TNKS2: variants seen among roughly 807,000 people sequenced by gnomAD.
TNKS2 encodes poly [ADP-ribose] polymerase tankyrase-2.
A neutral mutation model predicts 137.6 loss-of-function variants in TNKS2; 72 were observed. That is an observed-to-expected ratio of 0.52 (90% CI 0.43 to 0.64). The LOEUF (loss-of-function observed/expected upper bound fraction) is 0.64. Among genes scored for constraint, TNKS2 ranks in the 30% least tolerant of loss-of-function variants. The probability of loss-of-function intolerance (pLI) is 0.00; values close to 1 mark genes in which losing one functional copy is unlikely to be tolerated. For missense variants in TNKS2, 1,049 were observed against 1,410.2 expected (o/e 0.74, Z 4.10); for synonymous variants, 516 against 512.1 (o/e 1.01, Z -0.10).
At chr10:91,807,560 C>G in intron 1 of TNKS2, 3 of 883,018 alleles carry the variant, frequency 3.4e-6, no homozygotes, top group Non-Finnish European at 5.6e-6. Flanking sequence ...CTTAGCTTTA[C>G]TTCTCAGACT....
chr10:91,823,820 T>C (rs1055369079), intron 7 of TNKS2, among the ~76,000 whole-genome samples: 20 of 152,190 alleles, frequency 1.3e-4, no homozygotes, highest in African/African-American at 1.9e-4. Context: ...AGTGCCTCTT[T>C]GGTTCCTTTC....
intron 14 of TNKS2, among the ~76,000 whole-genome samples, chr10:91,841,066 T>A (rs1842196321): frequency 6.6e-6 from 1 of 152,182 alleles, no homozygotes; most frequent in Non-Finnish European, 1.5e-5. Context: ...CATATATGGA[T>A]GAATGTTATA....
chr10:91,814,440 GAA>G (rs1473973525), intron 2 of TNKS2, among the ~76,000 whole-genome samples: 1 of 152,046 alleles, frequency 6.6e-6, no homozygotes, highest in Non-Finnish European at 1.5e-5. Context: ...ATTGAAGAAA[GAA>G]AAATATTTTA....
rs369265938 is a variant in TNKS2, at chr10:91,828,404, T to C, written c.1102T>C (p.Leu368=). ...GCATCCTCAAACACATGAAACAGCA[T>C]TGGTAATGTTTCAGATTTAAGTTTT... ...FKHPQTHETA[L]HCAAASPYPK... is the part of the protein sequence containing the mutation. Residue 368 remains leucine (L), a splice_region_variant and synonymous_variant, in exon 9 of 27, where the codon TTG becomes CTG. Transcript: ENST00000371627. 3.2e-6 allele frequency: 5 copies of C among 1,565,536 alleles called. No homozygotes were observed. Among genetic ancestry groups the C allele is most frequent in the African/African-American group, 2.8e-5 (2 of 72,144 alleles).
chr10:91,858,492 T>C (rs919863118), intron 24 of TNKS2, among the ~76,000 whole-genome samples: 13 of 152,232 alleles, frequency 8.5e-5, no homozygotes, highest in African/African-American at 2.9e-4. Context: ...TATTTTCCTG[T>C]CTGTCTGTGG....
intron 7 of TNKS2, 85 bp from the exon 8 acceptor site, chr10:91,826,932 C>A: frequency 8.0e-7 from 1 of 1,242,536 alleles, no homozygotes. Flanking sequence ...CCTGTTTTAG[C>A]CTGTATGATG....
intron 8 of TNKS2, 111 bp downstream of exon 8, chr10:91,827,314 C>A: frequency 1.2e-6 from 1 of 863,940 alleles, no homozygotes; most frequent in Non-Finnish European, 1.6e-6. Context: ...TTTTTCTTAG[C>A]CATGGGCATC....
chr10:91,802,632 A>G (rs549433058), intron 1 of TNKS2, among the ~76,000 whole-genome samples: 2 of 152,380 alleles, frequency 1.3e-5, no homozygotes, highest in East Asian at 3.9e-4. Context: ...TACCAAAGAT[A>G]TACTAGCTTT....
intron 16 of TNKS2, among the ~76,000 whole-genome samples, chr10:91,843,297 C>T (rs888137678): frequency 5.3e-5 from 8 of 152,176 alleles, no homozygotes; most frequent in Admixed American, 4.6e-4. Flanking sequence ...GAAACCCCCT[C>T]TTGGCTTGCA....
At chr10:91,800,796 A>G (rs528229901) in intron 1 of TNKS2, among the ~76,000 whole-genome samples, 45 of 152,340 alleles carry the variant, frequency 3.0e-4, no homozygotes, top group African/African-American at 9.1e-4. Context: ...GGGTTTGTAA[A>G]TTTAATCTGA....
At position 91,807,438 on chromosome 10, in the gene TNKS2, A is replaced by C. The variant is rs1589643603; in HGVS notation, c.200-5545A>C. ...CTCCTCCCAGGTCTGGTACTGCGGC[A>C]TCGTGGCCTAGAGTGGAAAAGTAAA... is the stretch of plus-strand genomic sequence containing the variant. On this transcript the variant is annotated intron_variant, in intron 1 of 26. Transcript: ENST00000371627. The C allele has an allele frequency of 5.6e-6, 9 of 1,613,614 alleles. No homozygotes were observed. In the East Asian group the frequency reaches 2.0e-4, roughly 36 times the overall value.
At chr10:91,818,618 A>G (rs971991745) in intron 3 of TNKS2, among the ~76,000 whole-genome samples, 5 of 152,220 alleles carry the variant, frequency 3.3e-5, no homozygotes, top group African/African-American at 1.2e-4. Flanking sequence ...TGCAGCCTCA[A>G]CCTATCCAGG....
intron 23 of TNKS2, 70 bp from the exon 24 acceptor site, chr10:91,857,355 T>G: frequency 1.0e-6 from 1 of 1,004,952 alleles, no homozygotes; most frequent in Non-Finnish European, 1.5e-6. Context: ...GTATGTCCCA[T>G]GTTTGGTTTA....
At chr10:91,854,032 A>T (rs1237964249) in intron 21 of TNKS2, among the ~76,000 whole-genome samples, 1 of 152,242 alleles carries the variant, frequency 6.6e-6, no homozygotes, top group Non-Finnish European at 1.5e-5. Context: ...AGAAAAATAG[A>T]TATGATTATC....
chr10:91,854,992 G>A (rs1424145167), intron 21 of TNKS2, 37 bp from the exon 22 acceptor site: 3 of 1,155,948 alleles, frequency 2.6e-6, no homozygotes, highest in African/African-American at 1.5e-5. Context: ...TTGTTTATTG[G>A]CAATTTATTT....
rs545426976 is a variant in TNKS2 at position 91,854,203 on chromosome 10, C to T, written c.2816-826C>T. ...GCAAGTTTCTGTCATAATTCTTCCT[C>T]ATATTTACAAAGAAGAAAGAGATTA... On this transcript the variant is annotated intron_variant, in intron 21 of 26. Coordinates refer to ENST00000371627, the MANE Select transcript of TNKS2 (RefSeq NM_025235.4). Among the ~76,000 whole-genome samples the T allele has an allele frequency of 2.0e-4, 31 of 152,082 alleles. No individual in the cohort carries two copies. The South Asian group carries it at 2.9e-3, about 14-fold the overall frequency.
At chr10:91,860,168 T>G (rs904474947) in intron 25 of TNKS2, among the ~76,000 whole-genome samples, 1 of 152,222 alleles carries the variant, frequency 6.6e-6, no homozygotes, top group African/African-American at 2.4e-5. Flanking sequence ...GCACTTTTTT[T>G]TTCCACTTTT....
In TNKS2 at chr10:91,827,073, A is replaced by C; in HGVS notation, c.852A>C (p.Ala284=). ...GGCAATTCACTCCTCTTCATGAGGC[A>C]GCTTCTAAGAACAGGGTTGAAGTAT... is the stretch of plus-strand genomic sequence containing the variant. ...DLWQFTPLHE[A]ASKNRVEVCS... The change falls in exon 8 of 27, where the codon GCA becomes GCC. Residue 284 remains alanine (A), a synonymous_variant. Coordinates refer to ENST00000371627, the MANE Select transcript of TNKS2 (RefSeq NM_025235.4). 6.2e-7 allele frequency: 1 copy of C among 1,608,166 alleles called. No homozygotes were observed. Among genetic ancestry groups the C allele is most frequent in the Admixed American group, 1.7e-5 (1 of 58,838 alleles).
intron 7 of TNKS2, among the ~76,000 whole-genome samples, chr10:91,825,136 C>G (rs1348960031): frequency 6.6e-6 from 1 of 152,014 alleles, no homozygotes; most frequent in Non-Finnish European, 1.5e-5. Flanking sequence ...GGGTCTCACT[C>G]TGCCACCCAG....
Sources: allele counts gnomAD v4.1 joint callset (sites outside exome capture counted in the v4.1 genomes callset), GRCh38; gene constraint gnomAD v4.1.1; transcripts MANE v1.5; gene names NCBI Gene and HGNC (gene_info 2026-07-23, HGNC 2026-07-21).